KCNK12: variants seen among roughly 807,000 people sequenced by gnomAD.
The protein encoded by KCNK12 is potassium two pore domain channel subfamily K member 12.
Under a neutral mutation model 25.3 loss-of-function variants are expected in KCNK12, and 6 were observed. The ratio of observed to expected loss-of-function variants is 0.24; its 90% CI spans 0.13 to 0.47. The LOEUF (loss-of-function observed/expected upper bound fraction) is 0.47. Among genes scored for constraint, KCNK12 ranks in the 20% least tolerant of loss-of-function variants. KCNK12 has a pLI of 0.99. For synonymous variants in KCNK12, 331 were observed against 311.1 expected (o/e 1.06, Z -0.67); for missense variants, 444 against 661.7 (o/e 0.67, Z 3.61).
Position 47,562,719 on chromosome 2 carries a change from C to T in KCNK12, c.391+7222G>A. 4.3e-6 allele frequency: 1 copy of T among 233,322 alleles called. No homozygotes were observed. The highest frequency in any genetic ancestry group is 6.0e-5 in the East Asian group (1 of 16,594). The allele number at this position is 233,322 out of a possible 1,614,324, so 14.5% of individuals were successfully genotyped here. Reference sequence around the variant, plus strand: ...ACCCTTCTTCATTCTCTACCAGCACCTCCCCAACCTCCTGGAAACTGCTGT... The same window carrying T: ...ACCCTTCTTCATTCTCTACCAGCACTTCCCCAACCTCCTGGAAACTGCTGT... On this transcript the variant is annotated intron_variant, in intron 1 of 1. Transcript: ENST00000327876. This position sits in a 1 kb window ranked among gnomAD's most constrained non-coding sequence, Gnocchi z 4.8.
rs1299556403 is a variant in KCNK12 at position 47,510,338 on chromosome 2, C to G, written c.*10569G>C. ...TTCTGGTTATGGTAATGAAATAAAC[C>G]TTGATTTTTATTCCTTAAAACTACC... On this transcript the variant is annotated 3_prime_UTR_variant, in exon 2 of 2. Coordinates refer to ENST00000327876, the MANE Select transcript of KCNK12 (RefSeq NM_022055.2). 1 of 152,162 alleles carries G rather than the reference C, an allele frequency of 6.6e-6. No homozygotes were observed. Among genetic ancestry groups the G allele is most frequent in the Non-Finnish European group, 1.5e-5 (1 of 68,014 alleles). 9.4% of individuals were successfully genotyped at this position (152,162 alleles called of 1,614,324 possible). A position where few individuals can be genotyped will look rare whatever the true frequency, so the allele number is the denominator to read the frequency against.
At position 47,562,112 on chromosome 2, in the gene KCNK12, G is replaced by C. The variant is rs1406224188; in HGVS notation, c.391+7829C>G. 1 of 398,498 alleles carries C rather than the reference G, an allele frequency of 2.5e-6. No individual in the cohort carries two copies. Among genetic ancestry groups the C allele is most frequent in the Non-Finnish European group, 4.4e-6 (1 of 226,102 alleles). 24.7% of individuals were successfully genotyped at this position (398,498 alleles called of 1,614,324 possible). ...AGCGACTCCAAGTGCATCAGCATAGGCATTGCCAGGAGCTCATGAGGAATG... is the reference window on the plus strand; with the variant it reads ...AGCGACTCCAAGTGCATCAGCATAGCCATTGCCAGGAGCTCATGAGGAATG... On this transcript the variant is annotated intron_variant, in intron 1 of 1. Transcript: ENST00000327876. The surrounding 1 kb of genome is among the most constrained non-coding windows in gnomAD (Gnocchi z 4.8).
rs1407998418 is a variant in KCNK12 at position 47,510,369 on chromosome 2, A to G, written c.*10538T>C. On this transcript the variant is annotated 3_prime_UTR_variant, in exon 2 of 2. Transcript: ENST00000327876. ...TTTTATTCCTTAAAACTACCCTTCA[A>G]TGGGTTTTCTGTTCATTACAGTTGA... The G allele has an allele frequency of 1.3e-5, 2 of 152,326 alleles. No homozygotes were observed. The highest frequency in any genetic ancestry group is 2.9e-5 in the Non-Finnish European group (2 of 68,044). The allele number at this position is 152,326 out of a possible 1,614,324, so 9.4% of individuals were successfully genotyped here. A position where few individuals can be genotyped will look rare whatever the true frequency, so the allele number is the denominator to read the frequency against.
intron 1 of KCNK12, among the ~76,000 whole-genome samples, chr2:47,541,182 T>C (rs1395781632): frequency 6.6e-6 from 1 of 152,110 alleles, no homozygotes; most frequent in Non-Finnish European, 1.5e-5. Context: ...GATTTTTAGC[T>C]TCCTTCATCC....
intron 1 of KCNK12, among the ~76,000 whole-genome samples, chr2:47,568,130 G>T (rs919661685): frequency 6.6e-6 from 1 of 152,114 alleles, no homozygotes; most frequent in African/African-American, 2.4e-5. Context: ...CCATTAGGAA[G>T]CCGGAACATG....
At position 47,509,314 on chromosome 2, in the gene KCNK12, A is replaced by G. The variant is rs144348105; in HGVS notation, c.*11593T>C. ...ATTGAGCACTGAGTGAAAAAGTTTTATTGCCAAACAGGAAACCTGATTCAG... is the reference window on the plus strand; with the variant it reads ...ATTGAGCACTGAGTGAAAAAGTTTTGTTGCCAAACAGGAAACCTGATTCAG... On this transcript the variant is annotated 3_prime_UTR_variant, in exon 2 of 2. Coordinates refer to ENST00000327876, the MANE Select transcript of KCNK12 (RefSeq NM_022055.2). 1.1e-3 allele frequency among the ~76,000 whole-genome samples: 169 copies of G among 152,370 alleles called. No individual in the cohort carries two copies. The highest frequency in any genetic ancestry group is 3.9e-3 in the African/African-American group (163 of 41,584).
intron 1 of KCNK12, among the ~76,000 whole-genome samples, chr2:47,526,864 T>C (rs1668791335): frequency 6.6e-6 from 1 of 152,254 alleles, no homozygotes; most frequent in Non-Finnish European, 1.5e-5. Context: ...CCATTTCCAG[T>C]GTCGGCCCAT....
Position 47,521,111 on chromosome 2 carries a change from G to C in KCNK12, c.1089C>G (p.Arg363=), listed in dbSNP as rs535851122. 1.2e-5 allele frequency: 15 copies of C among 1,287,366 alleles called. No individual in the cohort carries two copies. In the South Asian group the frequency reaches 1.3e-4, roughly 11 times the overall value. The allele number at this position is 1,287,366 out of a possible 1,614,324, so 79.7% of individuals were successfully genotyped here. A position where few individuals can be genotyped will look rare whatever the true frequency, so the allele number is the denominator to read the frequency against. ...AARDSDAEGR[R]LSGELISMRD... The stretch of plus-strand genomic sequence containing the variant: ...GCATGGAGATGAGCTCGCCCGAGAG[G>C]CGGCGGCCCTCGGCGTCGCTGTCGC... Residue 363 remains arginine, a synonymous_variant, in exon 2 of 2, where the codon CGC becomes CGG. Coordinates refer to ENST00000327876, the MANE Select transcript of KCNK12 (RefSeq NM_022055.2).
rs374611357 is a variant in KCNK12, at chr2:47,531,893, T to A, written c.392-10085A>T. Among the ~76,000 whole-genome samples, 24 of 152,212 alleles carry A rather than the reference T, an allele frequency of 1.6e-4. No individual in the cohort carries two copies. In the East Asian group the frequency reaches 4.1e-3, roughly 26 times the overall value. On this transcript the variant is annotated intron_variant, in intron 1 of 1. Transcript: ENST00000327876. ...TGATTGGTCACAGGCCAGTCCTTCATGGGGTGTAACTAACCCTAGGCCTCT... is the reference window on the plus strand; with the variant it reads ...TGATTGGTCACAGGCCAGTCCTTCAAGGGGTGTAACTAACCCTAGGCCTCT...
chr2:47,521,603 C>A lies in KCNK12; in HGVS notation c.597G>T (p.Ala199=). ...LLPATFRRGS[A]LSEADSLAGW... is the part of the protein sequence containing the mutation. Reference sequence around the variant, plus strand: ...CCGCCAGGCTGTCGGCCTCCGAGAGCGCGGAGCCGCGGCGGAAGGTGGCGG... The same window carrying A: ...CCGCCAGGCTGTCGGCCTCCGAGAGAGCGGAGCCGCGGCGGAAGGTGGCGG... Residue 199 remains alanine (A), a synonymous_variant, in exon 2 of 2, where the codon GCG becomes GCT. Transcript: ENST00000327876. 6.4e-7 allele frequency: 1 copy of A among 1,564,076 alleles called. No homozygotes were observed. The highest frequency in any genetic ancestry group is 8.7e-7 in the Non-Finnish European group (1 of 1,154,538).
rs758388034 is a variant in KCNK12, at chr2:47,521,711, G to C, written c.489C>G (p.Leu163=). Residue 163 remains leucine (L), a synonymous_variant, in exon 2 of 2, where the codon CTC becomes CTG. Transcript: ENST00000327876. ...GCAGTILFFN[L]FLERIISLLA... is the part of the protein sequence containing the mutation. Reference sequence around the variant, plus strand: ...GCAGCGAGATGATGCGCTCCAGGAAGAGGTTGAAGAACAGGATGGTCCCAG... The same window carrying C: ...GCAGCGAGATGATGCGCTCCAGGAACAGGTTGAAGAACAGGATGGTCCCAG... 1.2e-6 allele frequency: 2 copies of C among 1,600,726 alleles called. No homozygotes were observed. Among genetic ancestry groups the C allele is most frequent in the East Asian group, 4.5e-5 (2 of 44,690 alleles).
At position 47,557,839 on chromosome 2, in the gene KCNK12, A is replaced by T. The variant is rs1234911114; in HGVS notation, c.391+12102T>A. ...CACTAATTTGATGTTAGGAACTGAG[A>T]TGCCTTAGGGATTCGGGGACTGTGA... is the stretch of plus-strand genomic sequence containing the variant. On this transcript the variant is annotated intron_variant, in intron 1 of 1. Transcript: ENST00000327876. The surrounding 1 kb of genome is among the most constrained non-coding windows in gnomAD (Gnocchi z 4.9). Among the ~76,000 whole-genome samples, 1 of 152,170 alleles carries T rather than the reference A, an allele frequency of 6.6e-6. No individual in the cohort carries two copies. Among genetic ancestry groups the T allele is most frequent in the Non-Finnish European group, 1.5e-5 (1 of 68,036 alleles).
intron 1 of KCNK12, among the ~76,000 whole-genome samples, chr2:47,545,211 A>T (rs1669288568): frequency 6.6e-6 from 1 of 152,148 alleles, no homozygotes; most frequent in Non-Finnish European, 1.5e-5. Flanking sequence ...GTGGGCTCTG[A>T]AGAGGGAGTG....
In KCNK12 at chr2:47,513,343, C is replaced by G. The variant is rs1300014049; in HGVS notation, c.*7564G>C. ...TTTTCTTCAGTCCTTGTCTTAATCA[C>G]TCAGTGGCACTTGGCACTTATTCCT... On this transcript the variant is annotated 3_prime_UTR_variant, in exon 2 of 2. Coordinates refer to ENST00000327876, the MANE Select transcript of KCNK12 (RefSeq NM_022055.2). 6.6e-6 allele frequency: 1 copy of G among 152,268 alleles called. No homozygotes were observed. The highest frequency in any genetic ancestry group is 1.5e-5 in the Non-Finnish European group (1 of 68,062). The allele number at this position is 152,268 out of a possible 1,614,324, so 9.4% of individuals were successfully genotyped here.
rs759257049 is a variant in KCNK12 at position 47,510,216 on chromosome 2, A to G, written c.*10691T>C. On this transcript the variant is annotated 3_prime_UTR_variant, in exon 2 of 2. Coordinates refer to ENST00000327876, the MANE Select transcript of KCNK12 (RefSeq NM_022055.2). ...GCTACCATCTGGCACCTGGGGTGGC[A>G]AGCCAACATGGAAAGGATGGCAGAG... The G allele has an allele frequency of 6.6e-6, 1 of 152,230 alleles. No individual in the cohort carries two copies. The highest frequency in any genetic ancestry group is 6.5e-5 in the Admixed American group (1 of 15,288). 9.4% of individuals were successfully genotyped at this position (152,230 alleles called of 1,614,324 possible).
At chr2:47,523,088 C>T (rs6744097) in intron 1 of KCNK12, among the ~76,000 whole-genome samples, 97,010 of 152,116 alleles carry the variant, frequency 0.64, 32,116 homozygotes, top group African/African-American at 0.83. Context: ...CTGTTGACTA[C>T]GAGTTTTTCT....
chr2:47,549,211 C>A (rs1285515943), intron 1 of KCNK12, among the ~76,000 whole-genome samples: 2 of 152,156 alleles, frequency 1.3e-5, no homozygotes, highest in Non-Finnish European at 2.9e-5. Context: ...TCAGTAGAGA[C>A]CCCAAAAAGG....
In KCNK12 at chr2:47,547,434, G is replaced by C. The variant is rs1241502346; in HGVS notation, c.391+22507C>G. Among the ~76,000 whole-genome samples, 1 of 152,096 alleles carries C rather than the reference G, an allele frequency of 6.6e-6. No homozygotes were observed. Among genetic ancestry groups the C allele is most frequent in the African/African-American group, 2.4e-5 (1 of 41,426 alleles). On this transcript the variant is annotated intron_variant, in intron 1 of 1. Coordinates refer to ENST00000327876, the MANE Select transcript of KCNK12 (RefSeq NM_022055.2). The surrounding 1 kb of genome is among the most constrained non-coding windows in gnomAD (Gnocchi z 5.0). ...GCCAGGGTTGAGAACCACTCTCCTAGGTGATCTTTTCTTTTTCTTTTTGCG... is the reference window on the plus strand; with the variant it reads ...GCCAGGGTTGAGAACCACTCTCCTACGTGATCTTTTCTTTTTCTTTTTGCG...
intron 1 of KCNK12, among the ~76,000 whole-genome samples, chr2:47,530,197 T>G (rs558088719): frequency 7.9e-5 from 12 of 152,152 alleles, no homozygotes; most frequent in African/African-American, 2.9e-4. Flanking sequence ...GAGTGGGAGA[T>G]GGGGGAGGGC....
Sources: allele counts gnomAD v4.1 joint callset (sites outside exome capture counted in the v4.1 genomes callset), GRCh38; gene constraint gnomAD v4.1.1; non-coding constraint Gnocchi (gnomAD v3.1); transcripts MANE v1.5; gene names NCBI Gene and HGNC (gene_info 2026-07-23, HGNC 2026-07-21).